The following RNF212 variants were observed in gnomAD, a reference collection of about 807,000 sequenced individuals.
RNF212 encodes ring finger protein 212.
In RNF212, 33 loss-of-function variants were observed where a neutral mutation model predicts 34.7. The observed-to-expected ratio is 0.95, with a 90% CI of 0.72 to 1.27. The LOEUF (loss-of-function observed/expected upper bound fraction) is 1.27. RNF212 is among the 50% of genes most tolerant of loss of function. The pLI is 0.00. For synonymous variants in RNF212, 140 were observed against 136.1 expected (o/e 1.03, Z -0.20); for missense variants, 377 against 362.2 (o/e 1.04, Z -0.33).
chr4:1,074,499 T>C (rs1434202627), intron 8 of RNF212, among the ~76,000 whole-genome samples: 1 of 152,164 alleles, frequency 6.6e-6, no homozygotes, highest in Non-Finnish European at 1.5e-5. Flanking sequence ...CAGTACACCG[T>C]GGAAGCCCCT....
intron 8 of RNF212, among the ~76,000 whole-genome samples, chr4:1,077,492 C>T (rs984575082): frequency 6.6e-6 from 1 of 152,174 alleles, no homozygotes; most frequent in African/African-American, 2.4e-5. Flanking sequence ...CTTGGCCTCC[C>T]AAAGTGCTGA....
intron 3 of RNF212, 42 bp from the exon 4 acceptor site, chr4:1,090,880 G>A (rs771405644): frequency 3.8e-6 from 5 of 1,318,956 alleles, no homozygotes; most frequent in Non-Finnish European, 5.5e-6. Flanking sequence ...CAGATCCACG[G>A]TCTCTGTGGC....
intron 3 of RNF212, among the ~76,000 whole-genome samples, chr4:1,059,884 C>G (rs559344442): frequency 6.6e-6 from 1 of 151,952 alleles, no homozygotes; most frequent in African/African-American, 2.4e-5. Flanking sequence ...CACCTGAGGT[C>G]GGGAGTTCAA....
chr4:1,073,536 TTTCAGGGAATGCA>T, intron 9 of RNF212, 50 bp downstream of exon 9: 1 of 1,229,024 alleles, frequency 8.1e-7, no homozygotes. Flanking sequence ...AAACATGACC[TTTCAGGGAATGCA>T]TTTTAATCGA....
chr4:1,096,811 A>G lies in RNF212; in HGVS notation c.200T>C (p.Met67Thr). ...CTTCTTACACAGACTGTCTATGCTC[A>G]TGAAGAATGCCTGGATATCTGCGTC... ...HTDADIQAFF[M>T]SIDSLCKKYS... Residue 67 changes from methionine (M) to threonine (T), a missense_variant, in exon 3 of 10, where the codon ATG (methionine) becomes ACG (threonine). By Grantham distance (81) the Met-to-Thr change is moderately conservative. Coordinates refer to ENST00000433731, the MANE Select transcript of RNF212 (RefSeq NM_001131034.4). 1.9e-6 allele frequency: 3 copies of G among 1,613,532 alleles called. No homozygotes were observed. Among genetic ancestry groups the G allele is most frequent in the Non-Finnish European group, 2.5e-6 (3 of 1,179,378 alleles).
chr4:1,108,277 T>C, intron 2 of RNF212, 66 bp downstream of exon 2: 1 of 1,108,262 alleles, frequency 9.0e-7, no homozygotes. Context: ...GACTAAAAAT[T>C]AAATATCAAA....
chr4:1,112,536 C>T (rs922365047), intron 1 of RNF212, among the ~76,000 whole-genome samples: 4 of 151,984 alleles, frequency 2.6e-5, no homozygotes, highest in South Asian at 4.1e-4. Context: ...CACTTGACAC[C>T]AGGGCCCCGC....
chr4:1,108,662 C>A (rs1725187352), intron 1 of RNF212, among the ~76,000 whole-genome samples: 1 of 152,078 alleles, frequency 6.6e-6, no homozygotes, highest in Non-Finnish European at 1.5e-5. Context: ...TAAGTCTATC[C>A]CAGGTATTTA....
At chr4:1,099,267 A>G (rs1488307311) in intron 2 of RNF212, among the ~76,000 whole-genome samples, 1 of 152,258 alleles carries the variant, frequency 6.6e-6, no homozygotes. Flanking sequence ...CAAGAAAAAG[A>G]CATTTTTTTA....
chr4:1,067,391 A>T (rs2153034084), downstream of RNF212, among the ~76,000 whole-genome samples: 1 of 152,330 alleles, frequency 6.6e-6, no homozygotes, highest in South Asian at 2.1e-4. Context: ...TGGACTATCA[A>T]ATCAGAAAGT....
At chr4:1,104,352 C>T (rs1242893006) in intron 2 of RNF212, among the ~76,000 whole-genome samples, 1 of 152,224 alleles carries the variant, frequency 6.6e-6, no homozygotes, top group African/African-American at 2.4e-5. Flanking sequence ...TACAATAGTT[C>T]AAGACCAGGC....
chr4:1,074,324 CCACT>C (rs775469340), intron 8 of RNF212, among the ~76,000 whole-genome samples: 2 of 152,206 alleles, frequency 1.3e-5, no homozygotes, highest in Admixed American at 6.5e-5. Flanking sequence ...CTCTGGCTCT[CCACT>C]CACTGCTGGC....
At chr4:1,069,595 A>C (rs150846610), downstream of RNF212, among the ~76,000 whole-genome samples, 36 of 152,340 alleles carry the variant, frequency 2.4e-4, no homozygotes, top group Admixed American at 5.9e-4. Flanking sequence ...CAAAGTGAAG[A>C]GGAATCAATC....
At chr4:1,075,470 G>C (rs1417742774) in intron 8 of RNF212, among the ~76,000 whole-genome samples, 2 of 152,156 alleles carry the variant, frequency 1.3e-5, no homozygotes, top group Non-Finnish European at 2.9e-5. Flanking sequence ...CAAGAGACTG[G>C]GGGGTGGTGC....
chr4:1,056,992 C>G (rs1397071664), intron 4 of RNF212: 2 of 987,562 alleles, frequency 2.0e-6, no homozygotes, highest in Non-Finnish European at 2.4e-6. Flanking sequence ...AGGGAATTTG[C>G]AGAGGTGGAA....
chr4:1,105,148 C>A (rs563025930), intron 2 of RNF212, among the ~76,000 whole-genome samples: 1 of 152,376 alleles, frequency 6.6e-6, no homozygotes, highest in South Asian at 2.1e-4. Flanking sequence ...GTGTCCATGA[C>A]TGTGGGGCAT....
rs1158488333 is a variant in RNF212 at position 1,071,752 on chromosome 4, A to G, written c.*1122T>C. On this transcript the variant is annotated 3_prime_UTR_variant, in exon 10 of 10. Transcript: ENST00000433731. ...ACTACATACCTATCAGCTGGCCAAA[A>G]TCCAGAACACTGACATCATCAAATG... The G allele has an allele frequency of 2.0e-5, 3 of 152,264 alleles. No homozygotes were observed. Among genetic ancestry groups the G allele is most frequent in the Non-Finnish European group, 2.9e-5 (2 of 68,046 alleles). The allele number at this position is 152,264 out of a possible 1,614,324, so 9.4% of individuals were successfully genotyped here.
intron 3 of RNF212, chr4:1,094,004 A>G: frequency 6.5e-7 from 1 of 1,534,352 alleles, no homozygotes; most frequent in Non-Finnish European, 8.7e-7. Flanking sequence ...GCCTCGGGAA[A>G]GCCTGAGATA....
Position 1,108,430 on chromosome 4 carries a change from A to G in RNF212, c.110-26T>C, listed in dbSNP as rs765591275. 3 of 1,237,448 alleles carry G rather than the reference A, an allele frequency of 2.4e-6. No individual in the cohort carries two copies. In the South Asian group the frequency reaches 4.7e-5, roughly 20 times the overall value. The allele number at this position is 1,237,448 out of a possible 1,614,324, so 76.7% of individuals were successfully genotyped here. A position where few individuals can be genotyped will look rare whatever the true frequency, so the allele number is the denominator to read the frequency against. ...CTATAAAATAAAAATAGGCTTTATT[A>G]TATTAGACTGACTACTACTTTTAAA... On this transcript the variant is annotated intron_variant, in intron 1 of 9. Transcript: ENST00000433731.
Sources: gnomAD v4.1 joint callset for allele counts (sites outside exome capture counted in the v4.1 genomes callset) on GRCh38, gnomAD v4.1.1 for gene constraint, MANE v1.5 for transcripts, NCBI Gene and HGNC (gene_info 2026-07-23, HGNC 2026-07-21) for gene names.